Variants in TPO observed in about 807,000 individuals in gnomAD.
TPO encodes thyroid microsomal antigen.
In TPO, 78 loss-of-function variants were observed where a neutral mutation model predicts 96.9. The ratio of observed to expected loss-of-function variants is 0.81; its 90% CI spans 0.67 to 0.97. TPO has a LOEUF of 0.97. Ranked by LOEUF, TPO falls within the 50% of genes least tolerant of loss-of-function variation. TPO has a pLI of 0.00. For synonymous variants in TPO, 547 were observed against 538.0 expected (o/e 1.02, Z -0.23); for missense variants, 1,252 against 1,274.8 (o/e 0.98, Z 0.27).
chr2:1,537,428 TTGTGTGCAAACTCCCAAATCTCCCCAC>T (rs1348905057), intron 15 of TPO, among the ~76,000 whole-genome samples: 3 of 83,748 alleles, frequency 3.6e-5, no homozygotes, highest in Non-Finnish European at 7.3e-5. Context: ...AACCCTCCCA[TTGTGTGCAAACTCCCAAATCTCCCCAC>T]TGTGTGCAAC....
At chr2:1,471,629 T>C (rs1182190840) in intron 7 of TPO, among the ~76,000 whole-genome samples, 1 of 152,162 alleles carries the variant, frequency 6.6e-6, no homozygotes, top group Non-Finnish European at 1.5e-5. Flanking sequence ...CCTCATTTGC[T>C]AGACTCTCCT....
chr2:1,494,851 G>A (rs1038164159), intron 11 of TPO, among the ~76,000 whole-genome samples: 2 of 152,166 alleles, frequency 1.3e-5, no homozygotes, highest in Non-Finnish European at 2.9e-5. Context: ...CCTGCCACAC[G>A]CTGGGGCTCC....
chr2:1,438,834 C>T lies in TPO; in HGVS notation c.482+2450C>T, dbSNP rs753304094. The stretch of plus-strand genomic sequence containing the variant: ...ATTAAAGAAAAATGAAATATAAGCC[C>T]GACCATTCCGAAACTGCCAACTAAC... On this transcript the variant is annotated intron_variant, in intron 5 of 16. Transcript: ENST00000329066. 45 of 716,826 alleles carry T rather than the reference C, an allele frequency of 6.3e-5. 1 individual carries two copies. The highest frequency in any genetic ancestry group is 4.6e-4 in the Middle Eastern group (2 of 4,374). 44.4% of individuals were successfully genotyped at this position (716,826 alleles called of 1,614,324 possible).
intron 7 of TPO, among the ~76,000 whole-genome samples, chr2:1,475,091 T>C (rs1006844537): frequency 1.3e-5 from 2 of 152,266 alleles, no homozygotes; most frequent in African/African-American, 2.4e-5. Flanking sequence ...TAACTTTTCA[T>C]TGATTTCTGG....
At chr2:1,403,182 C>A (rs979760747) in intron 1 of TPO, among the ~76,000 whole-genome samples, 1 of 152,186 alleles carries the variant, frequency 6.6e-6, no homozygotes, top group Non-Finnish European at 1.5e-5. Flanking sequence ...TCTCTGTAAC[C>A]CGCAGATGGA....
chr2:1,460,696 G>A (rs189283110), intron 7 of TPO, among the ~76,000 whole-genome samples: 1 of 152,352 alleles, frequency 6.6e-6, no homozygotes, highest in African/African-American at 2.4e-5. Flanking sequence ...TTATTGCTGT[G>A]TTGCTGGAAG....
At chr2:1,501,190 A>T (rs1215707732) in intron 13 of TPO, among the ~76,000 whole-genome samples, 3 of 151,054 alleles carry the variant, frequency 2.0e-5, no homozygotes, top group East Asian at 1.9e-4. Context: ...AAATGGAAAC[A>T]TCTGTGCACT....
chr2:1,386,608 T>C (rs1661898944), intron 1 of TPO, among the ~76,000 whole-genome samples: 1 of 152,198 alleles, frequency 6.6e-6, no homozygotes. Flanking sequence ...TGTGTGTCTC[T>C]GCATGTGAGA....
At chr2:1,521,940 C>G (rs1675317901) in intron 15 of TPO, among the ~76,000 whole-genome samples, 1 of 152,060 alleles carries the variant, frequency 6.6e-6, no homozygotes, top group Non-Finnish European at 1.5e-5. Context: ...GAACCCAAGC[C>G]TGGCTGCCAG....
intron 15 of TPO, among the ~76,000 whole-genome samples, chr2:1,531,350 G>A (rs1432125948): frequency 1.2e-5 from 1 of 82,466 alleles, no homozygotes; most frequent in Non-Finnish European, 2.3e-5. Flanking sequence ...CCCACTGTGT[G>A]CAGCCTCCCC....
upstream of TPO, among the ~76,000 whole-genome samples, chr2:1,409,469 G>T (rs376596650): frequency 8.5e-5 from 13 of 152,158 alleles, no homozygotes; most frequent in African/African-American, 2.7e-4. Flanking sequence ...GTTTTAAAAT[G>T]AATTGAGCTG....
At chr2:1,504,531 GC>G (rs1419662837) in intron 14 of TPO, among the ~76,000 whole-genome samples, 4 of 152,154 alleles carry the variant, frequency 2.6e-5, no homozygotes, top group African/African-American at 9.7e-5. Flanking sequence ...GGATGTCCCC[GC>G]CCGGCATGGG....
intron 1 of TPO, among the ~76,000 whole-genome samples, chr2:1,382,616 T>C (rs1393101815): frequency 6.6e-6 from 1 of 152,162 alleles, no homozygotes; most frequent in Non-Finnish European, 1.5e-5. Flanking sequence ...GGCAGCAAAC[T>C]GCCCTGAAAC....
At position 1,498,751 on chromosome 2, in the gene TPO, G is replaced by A. The variant is rs28912982; in HGVS notation, c.2386+1986G>A. 1.6e-3 allele frequency among the ~76,000 whole-genome samples: 243 copies of A among 152,222 alleles called. 1 individual carries two copies. The highest frequency in any genetic ancestry group is 5.8e-3 in the African/African-American group (241 of 41,538). ...CGGGTGATGACATCTGTGTAAACTC[G>A]TGGTTGCTGTTAACACTATTGCATG... is the stretch of plus-strand genomic sequence containing the variant. On this transcript the variant is annotated intron_variant, in intron 13 of 16. Transcript: ENST00000329066.
At chr2:1,483,310 C>A (rs563362738) in intron 8 of TPO, among the ~76,000 whole-genome samples, 2 of 152,346 alleles carry the variant, frequency 1.3e-5, no homozygotes, top group Admixed American at 1.3e-4. Context: ...GCTCACAAGT[C>A]AAACTTCAGG....
chr2:1,434,258 G>A (rs1665330230), intron 4 of TPO, among the ~76,000 whole-genome samples: 1 of 152,202 alleles, frequency 6.6e-6, no homozygotes, highest in African/African-American at 2.4e-5. Flanking sequence ...TAAGCGAAAT[G>A]TCTTTTTAAT....
intron 1 of TPO, 37 bp downstream of exon 1, chr2:1,413,582 A>C: frequency 9.9e-6 from 8 of 806,948 alleles, no homozygotes; most frequent in Non-Finnish European, 1.2e-5. Context: ...CCATTTTCTA[A>C]GAGAAATTCA....
chr2:1,419,719 C>T (rs902416219), intron 2 of TPO, among the ~76,000 whole-genome samples: 1 of 152,160 alleles, frequency 6.6e-6, no homozygotes, highest in African/African-American at 2.4e-5. Context: ...CTTGCAGCTT[C>T]TTGGAAAATG....
intron 10 of TPO, among the ~76,000 whole-genome samples, chr2:1,489,959 GCCGC>G (rs2124883034): frequency 8.5e-6 from 1 of 117,170 alleles, no homozygotes; most frequent in African/African-American, 3.1e-5. Flanking sequence ...CAGTGTAAGA[GCCGC>G]CACGTGGGTC....
Sources: allele counts gnomAD v4.1 joint callset (sites outside exome capture counted in the v4.1 genomes callset), GRCh38; gene constraint gnomAD v4.1.1; transcripts MANE v1.5; gene names NCBI Gene and HGNC (gene_info 2026-07-23, HGNC 2026-07-21).